Variants in HS3ST4 observed in about 807,000 individuals in gnomAD.
HS3ST4 encodes the protein heparan sulfate glucosamine 3-O-sulfotransferase 4.
A neutral mutation model predicts 29.2 loss-of-function variants in HS3ST4; 17 were observed. The ratio of observed to expected loss-of-function variants is 0.58; its 90% CI spans 0.40 to 0.87. HS3ST4 has a LOEUF of 0.87. Among genes scored for constraint, HS3ST4 ranks in the 40% least tolerant of loss-of-function variants. The pLI, the probability that HS3ST4 is intolerant of heterozygous loss-of-function variation, is 0.00. For synonymous variants in HS3ST4, 314 were observed against 285.7 expected, an observed-to-expected ratio of 1.10 and a Z score of -1.00; for missense variants, 627 against 634.5, an observed-to-expected ratio of 0.99 and a Z score of 0.13.
intron 1 of HS3ST4, among the ~76,000 whole-genome samples, chr16:25,837,504 G>C (rs112860436): frequency 4.3e-4 from 65 of 152,174 alleles, no homozygotes; most frequent in Non-Finnish European, 8.2e-4. Context: ...GCTTTCTCAT[G>C]TCAGATATGC....
chr16:25,693,782 G>C (rs1966274144), intron 1 of HS3ST4, among the ~76,000 whole-genome samples: 1 of 152,156 alleles, frequency 6.6e-6, no homozygotes, highest in Non-Finnish European at 1.5e-5. Context: ...AAGCCTCAAT[G>C]TCTGCATGAC....
intron 1 of HS3ST4, among the ~76,000 whole-genome samples, chr16:26,088,739 G>T (rs1339675924): frequency 2.0e-5 from 3 of 152,216 alleles, no homozygotes; most frequent in African/African-American, 7.2e-5. Flanking sequence ...TTAAGACACA[G>T]CTTGTCTTAT....
chr16:25,785,532 A>C (rs1294610834), intron 1 of HS3ST4, among the ~76,000 whole-genome samples: 1 of 152,212 alleles, frequency 6.6e-6, no homozygotes, highest in Non-Finnish European at 1.5e-5. Flanking sequence ...TACAAAGGTA[A>C]ATTGTGGCGA....
intron 1 of HS3ST4, among the ~76,000 whole-genome samples, chr16:25,777,571 C>T (rs913210248): frequency 4.6e-5 from 7 of 152,224 alleles, no homozygotes; most frequent in South Asian, 4.2e-4. Context: ...GAGTTTGAGA[C>T]GAGCCTGGCC....
At chr16:25,980,291 G>A (rs1968991092) in intron 1 of HS3ST4, among the ~76,000 whole-genome samples, 1 of 152,184 alleles carries the variant, frequency 6.6e-6, no homozygotes, top group Non-Finnish European at 1.5e-5. Flanking sequence ...CTCTTCCTGG[G>A]ACACACCTGT....
intron 1 of HS3ST4, among the ~76,000 whole-genome samples, chr16:25,693,844 C>T (rs1431429052): frequency 6.6e-6 from 1 of 152,170 alleles, no homozygotes; most frequent in African/African-American, 2.4e-5. Flanking sequence ...GTCTAATCTC[C>T]GCCTCCTTCG....
rs79190274 is a variant in HS3ST4 at position 26,118,784 on chromosome 16, G to A, written c.735-16828G>A. On this transcript the variant is annotated intron_variant, in intron 1 of 1. Transcript: ENST00000331351. The stretch of plus-strand genomic sequence containing the variant: ...CAGGGAAAGGAATGTGGAGTATTTG[G>A]GGACACAGAGAAGGCCGGTGTTGCT... 2.7e-3 allele frequency among the ~76,000 whole-genome samples: 405 copies of A among 152,196 alleles called. 1 individual carries two copies. The highest frequency in any genetic ancestry group is 4.8e-3 in the Non-Finnish European group (326 of 68,020).
chr16:25,859,817 A>T (rs1967619328), intron 1 of HS3ST4, among the ~76,000 whole-genome samples: 1 of 152,202 alleles, frequency 6.6e-6, no homozygotes, highest in African/African-American at 2.4e-5. Flanking sequence ...AAACAATGAG[A>T]TATCACTACA....
Position 25,904,098 on chromosome 16 carries a change from G to A in HS3ST4, c.734+210947G>A, listed in dbSNP as rs550130059. Reference sequence around the variant, plus strand: ...TAGATGGATGGATGCATGGATGAATGAATGGATGAATGGATGGATGGATGG... The same window carrying A: ...TAGATGGATGGATGCATGGATGAATAAATGGATGAATGGATGGATGGATGG... On this transcript the variant is annotated intron_variant, in intron 1 of 1. Coordinates refer to ENST00000331351, the MANE Select transcript of HS3ST4 (RefSeq NM_006040.3). Among the ~76,000 whole-genome samples, 3 of 137,780 alleles carry A rather than the reference G, an allele frequency of 2.2e-5. No homozygotes were observed. The East Asian group carries it at 6.1e-4, about 28-fold the overall frequency. The allele number at this position is 137,780 out of a possible 152,430, so 90.4% of individuals were successfully genotyped here.
chr16:25,918,319 G>C (rs1466990450), intron 1 of HS3ST4, among the ~76,000 whole-genome samples: 2 of 152,166 alleles, frequency 1.3e-5, no homozygotes, highest in Non-Finnish European at 2.9e-5. Context: ...TTATAAAGCA[G>C]ATGACATTCA....
intron 1 of HS3ST4, among the ~76,000 whole-genome samples, chr16:25,763,215 C>G (rs1012362800): frequency 1.3e-5 from 2 of 152,096 alleles, no homozygotes; most frequent in Non-Finnish European, 2.9e-5. Flanking sequence ...GGCAGGAAAA[C>G]TTCAGGTTTA....
chr16:25,739,100 G>A (rs1966633168), intron 1 of HS3ST4, among the ~76,000 whole-genome samples: 1 of 152,160 alleles, frequency 6.6e-6, no homozygotes, highest in Non-Finnish European at 1.5e-5. Context: ...CCAGCACTTT[G>A]GGAGGCTGAG....
chr16:25,921,186 G>A (rs1303081457), intron 1 of HS3ST4, among the ~76,000 whole-genome samples: 1 of 152,178 alleles, frequency 6.6e-6, no homozygotes. Flanking sequence ...GATGCTCAAA[G>A]AACAGTTGTA....
chr16:26,016,764 A>G (rs1006387650), intron 1 of HS3ST4, among the ~76,000 whole-genome samples: 3 of 152,228 alleles, frequency 2.0e-5, no homozygotes, highest in African/African-American at 7.2e-5. Context: ...TATAAAAATC[A>G]TTCAATTTGA....
chr16:26,125,870 G>A lies in HS3ST4; in HGVS notation c.735-9742G>A, dbSNP rs530368523. ...GCACTTGTCTTTAAATGTACGCCTG[G>A]AACCTGAACGCTGAGTAGGTCATTG... On this transcript the variant is annotated intron_variant, in intron 1 of 1. Coordinates refer to ENST00000331351, the MANE Select transcript of HS3ST4 (RefSeq NM_006040.3). 3.9e-5 allele frequency among the ~76,000 whole-genome samples: 6 copies of A among 152,174 alleles called. No individual in the cohort carries two copies. In the South Asian group the frequency reaches 1.0e-3, roughly 26 times the overall value.
At chr16:25,901,009 G>A (rs1226582241) in intron 1 of HS3ST4, among the ~76,000 whole-genome samples, 1 of 152,108 alleles carries the variant, frequency 6.6e-6, no homozygotes, top group Non-Finnish European at 1.5e-5. Context: ...CAAGACCATG[G>A]AACCCCTTGG....
Position 25,693,166 on chromosome 16 carries a change from T to G in HS3ST4, c.734+15T>G. 6.4e-7 allele frequency: 1 copy of G among 1,551,118 alleles called. No individual in the cohort carries two copies. On this transcript the variant is annotated intron_variant, in intron 1 of 1. Coordinates refer to ENST00000331351, the MANE Select transcript of HS3ST4 (RefSeq NM_006040.3). ...GAGTGGTACAGGTAGGACCCTGGGC[T>G]CCGCGGGCTGGTGGAGACGCGTGGG...
intron 1 of HS3ST4, among the ~76,000 whole-genome samples, chr16:25,903,918 C>T (rs1968148479): frequency 6.6e-6 from 1 of 152,176 alleles, no homozygotes; most frequent in Non-Finnish European, 1.5e-5. Context: ...GTATTTCCAG[C>T]ACCTAAATAG....
intron 1 of HS3ST4, among the ~76,000 whole-genome samples, chr16:26,101,601 T>C (rs1898990646): frequency 6.6e-6 from 1 of 152,242 alleles, no homozygotes; most frequent in Admixed American, 6.5e-5. Context: ...AATTTCCCTC[T>C]TCTTCTTTTC....
Sources: allele counts gnomAD v4.1 joint callset (sites outside exome capture counted in the v4.1 genomes callset), GRCh38; gene constraint gnomAD v4.1.1; transcripts MANE v1.5; gene names NCBI Gene and HGNC (gene_info 2026-07-23, HGNC 2026-07-21).